The following EXOC6B variants were observed in gnomAD, a reference collection of about 807,000 sequenced individuals.
EXOC6B encodes the protein SEC15 homolog B.
EXOC6B carries 54 observed loss-of-function variants against 113.5 expected under a neutral mutation model. That is an observed-to-expected ratio of 0.48 (90% confidence interval 0.38 to 0.60). The LOEUF is 0.60. Among genes scored for constraint, EXOC6B ranks in the 20% least tolerant of loss-of-function variants. The pLI is 0.00. For missense variants in EXOC6B, 797 were observed against 977.5 expected (o/e 0.82, Z 2.46); for synonymous variants, 357 against 339.0 (o/e 1.05, Z -0.58).
intron 11 of EXOC6B, among the ~76,000 whole-genome samples, chr2:72,505,381 G>C (rs1306619241): frequency 1.3e-5 from 2 of 151,934 alleles, no homozygotes; most frequent in East Asian, 1.9e-4. Flanking sequence ...TATATCCCAA[G>C]GATCCATATA....
chr2:72,568,875 A>T (rs565869160), intron 7 of EXOC6B, among the ~76,000 whole-genome samples: 6 of 152,094 alleles, frequency 3.9e-5, no homozygotes, highest in South Asian at 4.1e-4. Flanking sequence ...TAAAAGAGAA[A>T]TTCTACAAGA....
intron 18 of EXOC6B, among the ~76,000 whole-genome samples, chr2:72,405,331 A>C (rs1451244583): frequency 1.3e-5 from 2 of 152,220 alleles, no homozygotes; most frequent in Non-Finnish European, 2.9e-5. Flanking sequence ...GCCAGCATTC[A>C]AATTCAGGAA....
At chr2:72,673,644 G>C (rs1182520727) in intron 6 of EXOC6B, among the ~76,000 whole-genome samples, 1 of 151,862 alleles carries the variant, frequency 6.6e-6, no homozygotes, top group African/African-American at 2.4e-5. Context: ...TGTTTAAAGG[G>C]AGATCCAGTC....
chr2:72,655,835 C>T (rs1674538491), intron 6 of EXOC6B, among the ~76,000 whole-genome samples: 1 of 151,972 alleles, frequency 6.6e-6, no homozygotes, highest in Non-Finnish European at 1.5e-5. Flanking sequence ...AAAGCCTTCC[C>T]ATTTAAACTT....
At chr2:72,316,409 T>G (rs1687516678) in intron 20 of EXOC6B, among the ~76,000 whole-genome samples, 1 of 152,172 alleles carries the variant, frequency 6.6e-6, no homozygotes, top group African/African-American at 2.4e-5. Flanking sequence ...TTCCAGGAAC[T>G]GCCACCTAAG....
intron 15 of EXOC6B, 110 bp from the exon 16 acceptor site, chr2:72,492,539 G>A: frequency 1.7e-6 from 1 of 599,210 alleles, no homozygotes; most frequent in South Asian, 2.3e-5. Context: ...AATAGCAGCA[G>A]CAAATAATAC....
At chr2:72,240,083 A>T (rs1682214054) in intron 20 of EXOC6B, among the ~76,000 whole-genome samples, 1 of 152,122 alleles carries the variant, frequency 6.6e-6, no homozygotes, top group African/African-American at 2.4e-5. Context: ...TTAGTGGATT[A>T]CTCAGTATTT....
In EXOC6B at chr2:72,362,677, C is replaced by T. The variant is rs114050697; in HGVS notation, c.2122+17052G>A. Among the ~76,000 whole-genome samples the T allele has an allele frequency of 4.8e-3, 731 of 152,226 alleles. 9 individuals are homozygous for T. Among genetic ancestry groups the T allele is most frequent in the African/African-American group, 0.016 (671 of 41,548 alleles). ...ATATATGCTGAGGCTACCAAATCAA[C>T]TCTACCATAGATTACTGCAATAGCC... is the stretch of plus-strand genomic sequence containing the variant. On this transcript the variant is annotated intron_variant, in intron 19 of 21. Coordinates refer to ENST00000272427, the MANE Select transcript of EXOC6B (RefSeq NM_015189.3).
intron 19 of EXOC6B, among the ~76,000 whole-genome samples, chr2:72,363,579 A>G (rs918645267): frequency 6.6e-6 from 1 of 151,922 alleles, no homozygotes; most frequent in Admixed American, 6.6e-5. Flanking sequence ...GAATTAGCAG[A>G]TTTGCTAACT....
intron 8 of EXOC6B, among the ~76,000 whole-genome samples, chr2:72,524,336 C>T (rs2105730050): frequency 6.6e-6 from 1 of 152,044 alleles, no homozygotes; most frequent in Admixed American, 6.5e-5. Flanking sequence ...GATTAGACTA[C>T]AAAAATATGT....
chr2:72,586,341 A>G (rs901729597), intron 6 of EXOC6B, among the ~76,000 whole-genome samples: 20 of 152,216 alleles, frequency 1.3e-4, no homozygotes, highest in African/African-American at 4.8e-4. Flanking sequence ...AATATTTGCA[A>G]ACTATGCATC....
At chr2:72,746,419 C>T (rs1055549871) in intron 1 of EXOC6B, among the ~76,000 whole-genome samples, 4 of 152,118 alleles carry the variant, frequency 2.6e-5, no homozygotes, top group African/African-American at 7.2e-5. Context: ...AAATAAACCA[C>T]CGGTTTGTGC....
rs538474691 is a variant in EXOC6B at position 72,621,086 on chromosome 2, C to T, written c.670-45418G>A. ...AAATTAGTTGAGCCACTGTGAAAAGCGGTTTGGGGTTCTCAAATAACTTAA... is the reference window on the plus strand; with the variant it reads ...AAATTAGTTGAGCCACTGTGAAAAGTGGTTTGGGGTTCTCAAATAACTTAA... On this transcript the variant is annotated intron_variant, in intron 6 of 21. Coordinates refer to ENST00000272427, the MANE Select transcript of EXOC6B (RefSeq NM_015189.3). 1.1e-4 allele frequency among the ~76,000 whole-genome samples: 16 copies of T among 152,228 alleles called. No individual in the cohort carries two copies. In the South Asian group the frequency reaches 3.3e-3, roughly 32 times the overall value.
intron 19 of EXOC6B, among the ~76,000 whole-genome samples, chr2:72,353,366 T>C (rs2104951074): frequency 6.6e-6 from 1 of 151,782 alleles, no homozygotes; most frequent in South Asian, 2.1e-4. Context: ...TGTATTGTAT[T>C]GTATTGTATT....
intron 6 of EXOC6B, among the ~76,000 whole-genome samples, chr2:72,592,826 A>T (rs1166743424): frequency 6.6e-6 from 1 of 152,108 alleles, no homozygotes; most frequent in Non-Finnish European, 1.5e-5. Context: ...TCTGAGTGTA[A>T]GAGGAGTGTC....
chr2:72,578,791 CAGA>C, intron 6 of EXOC6B, among the ~76,000 whole-genome samples: 1 of 151,734 alleles, frequency 6.6e-6, no homozygotes, highest in East Asian at 1.9e-4. Context: ...GTAACCATTC[CAGA>C]AGAATGAAGC....
At chr2:72,722,493 T>A (rs1035297330) in intron 5 of EXOC6B, among the ~76,000 whole-genome samples, 1 of 152,174 alleles carries the variant, frequency 6.6e-6, no homozygotes, top group Admixed American at 6.5e-5. Context: ...ATGTTTTCCC[T>A]CATGTGTTCC....
chr2:72,361,372 A>C (rs1690304983), intron 19 of EXOC6B, among the ~76,000 whole-genome samples: 1 of 152,180 alleles, frequency 6.6e-6, no homozygotes, highest in African/African-American at 2.4e-5. Context: ...AAGGCTGCAG[A>C]AGAAAAATGC....
intron 19 of EXOC6B, among the ~76,000 whole-genome samples, chr2:72,364,631 C>T (rs553493631): frequency 7.2e-5 from 11 of 152,196 alleles, no homozygotes; most frequent in East Asian, 3.9e-4. Context: ...GATTCTCCTA[C>T]GGTTCTCTCA....
Sources: gnomAD v4.1 joint callset for allele counts (sites outside exome capture counted in the v4.1 genomes callset) on GRCh38, gnomAD v4.1.1 for gene constraint, MANE v1.5 for transcripts, NCBI Gene and HGNC (gene_info 2026-07-23, HGNC 2026-07-21) for gene names.